The following CROCC2 variants were observed in gnomAD, a reference collection of about 807,000 sequenced individuals.
CROCC2 encodes the protein ciliary rootlet coiled-coil, rootletin family member 2, also known as ciliary rootlet coiled-coil protein 2.
CROCC2 carries 163 observed loss-of-function variants against 177.6 expected under a neutral mutation model. That is an observed-to-expected ratio of 0.92 (90% CI 0.81 to 1.05). CROCC2 has a LOEUF of 1.05. Ranked by LOEUF, CROCC2 falls within the 50% of genes least tolerant of loss-of-function variation. The pLI, the probability that CROCC2 is intolerant of heterozygous loss-of-function variation, is 0.00. For synonymous variants in CROCC2, 904 were observed against 787.3 expected (o/e 1.15, Z -2.48); for missense variants, 1,929 against 1,797.8 (o/e 1.07, Z -1.32).
At chr2:240,991,407 C>T in intron 31 of CROCC2, 129 bp downstream of exon 31, 1 of 749,516 alleles carries the variant, frequency 1.3e-6, no homozygotes, top group Admixed American at 3.2e-5. Context: ...AAAACCAATG[C>T]CTTGTGCTCT....
intron 5 of CROCC2, among the ~76,000 whole-genome samples, chr2:240,926,720 G>T (rs988601117): frequency 6.6e-6 from 1 of 152,252 alleles, no homozygotes; most frequent in Admixed American, 6.5e-5. Flanking sequence ...CGCCCCCGAG[G>T]TCCCAGCCCC....
rs528004392 is a variant in CROCC2, at chr2:240,965,561, C to T, written c.3603+43C>T. ...GGTCAGAAGGGAAGGAGCTGGGCGT[C>T]GGGGAGCAGAGGGAGGAGGCCCACC... On this transcript the variant is annotated intron_variant, in intron 23 of 31. Coordinates refer to ENST00000690015, the MANE Select transcript of CROCC2 (RefSeq NM_001351305.2). 9.9e-5 allele frequency: 153 copies of T among 1,549,684 alleles called. No homozygotes were observed. In the African/African-American group the frequency reaches 1.4e-3, roughly 14 times the overall value.
At chr2:240,985,832 C>T (rs951008331) in intron 28 of CROCC2, 1 of 406,338 alleles carries the variant, frequency 2.5e-6, no homozygotes. Context: ...CCACACACAC[C>T]CAGGCACTCA....
At position 240,949,833 on chromosome 2, in the gene CROCC2, A is replaced by G; in HGVS notation, c.2652+131A>G. Reference sequence around the variant, plus strand: ...ATAGGCGCCTGGCCAGGGCTGGGCAAGGACCAGCTCACTCTTTATAGTTCA... The same window carrying G: ...ATAGGCGCCTGGCCAGGGCTGGGCAGGGACCAGCTCACTCTTTATAGTTCA... On this transcript the variant is annotated intron_variant, in intron 17 of 31. Transcript: ENST00000690015. The surrounding 1 kb of genome is among the most constrained non-coding windows in gnomAD (Gnocchi z 4.5). 3 of 933,134 alleles carry G rather than the reference A, an allele frequency of 3.2e-6. No individual in the cohort carries two copies. The highest frequency in any genetic ancestry group is 4.8e-6 in the Non-Finnish European group (3 of 628,876). The allele number at this position is 933,134 out of a possible 1,614,324, so 57.8% of individuals were successfully genotyped here. A position where few individuals can be genotyped will look rare whatever the true frequency, so the allele number is the denominator to read the frequency against.
At chr2:240,990,002 T>C (rs1209289340) in intron 30 of CROCC2, among the ~76,000 whole-genome samples, 169 bp downstream of exon 30, 1 of 152,224 alleles carries the variant, frequency 6.6e-6, no homozygotes, top group African/African-American at 2.4e-5. Flanking sequence ...TGCACTTCTT[T>C]GCTCTCGACG....
intron 20 of CROCC2, among the ~76,000 whole-genome samples, chr2:240,961,408 G>A (rs549755682): frequency 2.6e-5 from 4 of 151,322 alleles, no homozygotes; most frequent in South Asian, 4.2e-4. Flanking sequence ...GCACAGAAAC[G>A]TGCACCAAGC....
chr2:240,932,847 C>T lies in CROCC2; in HGVS notation c.1190C>T (p.Thr397Ile), dbSNP rs2059443040. 8 of 1,545,748 alleles carry T rather than the reference C, an allele frequency of 5.2e-6. No homozygotes were observed. The highest frequency in any genetic ancestry group is 7.0e-6 in the Non-Finnish European group (8 of 1,144,858). Residue 397 changes from threonine to isoleucine, a missense_variant, in exon 9 of 32, where the codon ACC (threonine) becomes ATC (isoleucine). Thr to Ile is a moderately conservative substitution (Grantham distance 89). Transcript: ENST00000690015. The stretch of plus-strand genomic sequence containing the variant: ...CCACCACACATCTGCTCCCCAGCCA[C>T]CCTGGACCCCGCACTGCAGGCCATG... ...ASPPHICSPA[T>I]LDPALQAMRA...
chr2:240,961,347 A>G (rs1031779440), intron 20 of CROCC2, among the ~76,000 whole-genome samples: 11 of 152,072 alleles, frequency 7.2e-5, no homozygotes, highest in Admixed American at 1.3e-4. Flanking sequence ...ACACACTCAC[A>G]CACACTCACG....
At chr2:240,950,747 C>G in intron 18 of CROCC2, 1 of 502,892 alleles carries the variant, frequency 2.0e-6, no homozygotes, top group Non-Finnish European at 3.5e-6. Context: ...ATCCATCCAT[C>G]CTTCCACCCA....
At chr2:240,942,119 C>G (rs1026800759) in intron 14 of CROCC2, among the ~76,000 whole-genome samples, 3 of 152,182 alleles carry the variant, frequency 2.0e-5, no homozygotes, top group Non-Finnish European at 4.4e-5. Flanking sequence ...AATTTCTGTT[C>G]TTTATAAATT....
At chr2:240,919,904 CCA>C in intron 2 of CROCC2, 77 bp from the exon 3 acceptor site, 1 of 643,216 alleles carries the variant, frequency 1.6e-6, no homozygotes, top group African/African-American at 1.8e-5. Context: ...GCCCAGGGTC[CCA>C]CCGTGGAGAC....
chr2:240,927,986 T>C (rs1295288897), intron 5 of CROCC2, among the ~76,000 whole-genome samples: 1 of 152,272 alleles, frequency 6.6e-6, no homozygotes, highest in Non-Finnish European at 1.5e-5. Context: ...TATTTATTTG[T>C]TGAACCATGT....
rs1459760052 is a variant in CROCC2, at chr2:240,966,013, G to A, written c.3961+20G>A. 7.5e-7 allele frequency: 1 copy of A among 1,332,604 alleles called. No individual in the cohort carries two copies. The highest frequency in any genetic ancestry group is 9.5e-7 in the Non-Finnish European group (1 of 1,047,796). 82.5% of individuals were successfully genotyped at this position (1,332,604 alleles called of 1,614,324 possible). A position where few individuals can be genotyped will look rare whatever the true frequency, so the allele number is the denominator to read the frequency against. On this transcript the variant is annotated intron_variant, in intron 24 of 31. Coordinates refer to ENST00000690015, the MANE Select transcript of CROCC2 (RefSeq NM_001351305.2). ...CCAAAGGTCAGAGTCCTCAGTGGAG[G>A]CAGGCGGGCCCCTCTCCCAGCTCAG...
In CROCC2 at chr2:240,953,361, C is replaced by T. The variant is rs2059569223; in HGVS notation, c.2830-2498C>T. ...ACCCAGGAGATTCTCACTGAGATTGCAGTGAGCGGAGATCACGCCACTGCA... is the reference window on the plus strand; with the variant it reads ...ACCCAGGAGATTCTCACTGAGATTGTAGTGAGCGGAGATCACGCCACTGCA... On this transcript the variant is annotated intron_variant, in intron 18 of 31. Coordinates refer to ENST00000690015, the MANE Select transcript of CROCC2 (RefSeq NM_001351305.2). The surrounding 1 kb of genome is among the most constrained non-coding windows in gnomAD (Gnocchi z 4.0). 6.6e-6 allele frequency among the ~76,000 whole-genome samples: 1 copy of T among 151,720 alleles called. No homozygotes were observed. Among genetic ancestry groups the T allele is most frequent in the African/African-American group, 2.4e-5 (1 of 41,260 alleles).
chr2:240,952,513 C>T (rs2059563230), intron 18 of CROCC2, among the ~76,000 whole-genome samples: 1 of 152,254 alleles, frequency 6.6e-6, no homozygotes, highest in Admixed American at 6.5e-5. Flanking sequence ...TTGTGCAGTG[C>T]ACCTGCTGGG....
intron 22 of CROCC2, among the ~76,000 whole-genome samples, chr2:240,964,973 C>T (rs1259679325): frequency 1.3e-5 from 2 of 152,114 alleles, no homozygotes; most frequent in African/African-American, 4.8e-5. Flanking sequence ...CGCTCGGGAA[C>T]TCAGGCAGGC....
chr2:240,909,993 A>G (rs1380972509), intron 1 of CROCC2, among the ~76,000 whole-genome samples: 2 of 152,116 alleles, frequency 1.3e-5, no homozygotes, highest in Admixed American at 6.5e-5. Context: ...ACATGCTCCC[A>G]GGCCCGGAGA....
intron 1 of CROCC2, among the ~76,000 whole-genome samples, chr2:240,914,546 G>A (rs954096557): frequency 1.3e-5 from 2 of 152,204 alleles, no homozygotes; most frequent in Admixed American, 6.5e-5. Flanking sequence ...GCGGCCACAC[G>A]GGGGCACTGT....
At position 240,932,819 on chromosome 2, in the gene CROCC2, TC is replaced by T; in HGVS notation, c.1166del (p.Pro389HisfsTer21). Reference protein sequence around the residue: ...QRATSPHQGASPPHICSPATL... With the variant: ...QRATSPHQGAXPPHICSPATL... Reference sequence around the variant, plus strand: ...TGCCACATCCCCCCATCAAGGGGCGTCCCCACCACACATCTGCTCCCCAGCC... The same window carrying T: ...TGCCACATCCCCCCATCAAGGGGCGTCCCACCACACATCTGCTCCCCAGCC... On this transcript the variant is annotated frameshift_variant, in exon 9 of 32. Coordinates refer to ENST00000690015, the MANE Select transcript of CROCC2 (RefSeq NM_001351305.2). LOFTEE classifies it high-confidence loss of function. 6.5e-7 allele frequency: 1 copy of T among 1,539,352 alleles called. No homozygotes were observed. The highest frequency in any genetic ancestry group is 8.8e-7 in the Non-Finnish European group (1 of 1,139,716).
Sources: allele counts gnomAD v4.1 joint callset (sites outside exome capture counted in the v4.1 genomes callset), GRCh38; gene constraint gnomAD v4.1.1; non-coding constraint Gnocchi (gnomAD v3.1); transcripts MANE v1.5; gene names NCBI Gene and HGNC (gene_info 2026-07-23, HGNC 2026-07-21).